The following CDH20 variants were observed in gnomAD, a reference collection of about 807,000 sequenced individuals.
CDH20 encodes the protein cadherin-20.
Under a neutral mutation model 74.2 loss-of-function variants are expected in CDH20, and 29 were observed. That is an observed-to-expected ratio of 0.39 (90% CI 0.29 to 0.53). The LOEUF is 0.53. Ranked by LOEUF, CDH20 falls within the 20% of genes least tolerant of loss-of-function variation. The pLI is 0.69. For missense variants in CDH20, 988 were observed against 1,048.3 expected (o/e 0.94, Z 0.79); for synonymous variants, 469 against 405.4 (o/e 1.16, Z -1.88).
chr18:61,483,462 T>C (rs2144282644), intron 1 of CDH20, among the ~76,000 whole-genome samples: 1 of 152,274 alleles, frequency 6.6e-6, no homozygotes, highest in Middle Eastern at 3.4e-3. Flanking sequence ...CTTGTAAGGA[T>C]TAAATGACAA....
At chr18:61,461,621 T>C (rs896127678) in intron 1 of CDH20, among the ~76,000 whole-genome samples, 3 of 152,130 alleles carry the variant, frequency 2.0e-5, no homozygotes, top group African/African-American at 7.2e-5. Flanking sequence ...TTCTTGGCAT[T>C]TTGAACAAAT....
At chr18:61,496,534 G>T (rs1223996765) in intron 2 of CDH20, among the ~76,000 whole-genome samples, 1 of 152,064 alleles carries the variant, frequency 6.6e-6, no homozygotes, top group Non-Finnish European at 1.5e-5. Context: ...TCACACTCAA[G>T]CGTCAGCCCA....
intron 1 of CDH20, among the ~76,000 whole-genome samples, chr18:61,401,394 G>A (rs1047997830): frequency 5.9e-5 from 9 of 152,124 alleles, no homozygotes; most frequent in African/African-American, 2.2e-4. Context: ...TTAGTGACCC[G>A]TTTTTGTTGT....
intron 1 of CDH20, among the ~76,000 whole-genome samples, chr18:61,387,900 T>C (rs1911654632): frequency 6.6e-6 from 1 of 152,174 alleles, no homozygotes; most frequent in South Asian, 2.1e-4. Flanking sequence ...TTCTTTTTCA[T>C]TTTAAATTCT....
At chr18:61,545,345 C>A (rs1443953277) in intron 10 of CDH20, among the ~76,000 whole-genome samples, 1 of 150,196 alleles carries the variant, frequency 6.7e-6, no homozygotes. Context: ...TGGCTTCAAG[C>A]AGTCCTCCCA....
Position 61,508,642 on chromosome 18 carries a change from A to T in CDH20, c.1017+1082A>T, listed in dbSNP as rs140228285. On this transcript the variant is annotated intron_variant, in intron 6 of 11. Coordinates refer to ENST00000262717, the MANE Select transcript of CDH20 (RefSeq NM_031891.4). ...GGAGACTATTATTATTATTATTATT[A>T]TTTTTCATGTTCGAGACAGAGTCTC... Among the ~76,000 whole-genome samples, 650 of 151,978 alleles carry T rather than the reference A, an allele frequency of 4.3e-3. 9 individuals carry two copies. Among genetic ancestry groups the T allele is most frequent in the African/African-American group, 0.014 (600 of 41,430 alleles).
chr18:61,399,832 T>G (rs1173770928), intron 1 of CDH20, among the ~76,000 whole-genome samples: 2 of 152,248 alleles, frequency 1.3e-5, no homozygotes, highest in African/African-American at 4.8e-5. Flanking sequence ...AAGGCAAAGC[T>G]GGTTATGACT....
intron 1 of CDH20, among the ~76,000 whole-genome samples, chr18:61,404,102 TA>T (rs1284871239): frequency 2.0e-5 from 3 of 152,160 alleles, no homozygotes; most frequent in African/African-American, 7.2e-5. Context: ...AGCATCAGGA[TA>T]AATAGCCAAT....
chr18:61,405,892 C>G (rs1428373910), intron 1 of CDH20, among the ~76,000 whole-genome samples: 1 of 152,164 alleles, frequency 6.6e-6, no homozygotes, highest in Non-Finnish European at 1.5e-5. Context: ...TTCAAGGCTT[C>G]CACTGTCTCA....
chr18:61,397,284 A>T (rs1333133433), intron 1 of CDH20, among the ~76,000 whole-genome samples: 1 of 152,016 alleles, frequency 6.6e-6, no homozygotes, highest in African/African-American at 2.4e-5. Context: ...GGAATATTTT[A>T]TCTCATCCAG....
intron 1 of CDH20, among the ~76,000 whole-genome samples, chr18:61,361,131 C>T (rs2041595029): frequency 6.6e-6 from 1 of 152,162 alleles, no homozygotes; most frequent in African/African-American, 2.4e-5. Context: ...AATTAGTTTG[C>T]AGAAGCAAAT....
intron 1 of CDH20, among the ~76,000 whole-genome samples, chr18:61,470,900 T>C (rs1232869004): frequency 4.0e-5 from 6 of 151,848 alleles, no homozygotes; most frequent in East Asian, 1.9e-4. Flanking sequence ...CCTCCCTCTC[T>C]CTCCCTCCAC....
At chr18:61,524,968 A>G (rs1184963677) in intron 6 of CDH20, among the ~76,000 whole-genome samples, 1 of 151,962 alleles carries the variant, frequency 6.6e-6, no homozygotes, top group Non-Finnish European at 1.5e-5. Context: ...TCTCAAATGC[A>G]TCATGCTAAG....
In CDH20 at chr18:61,554,707, A is replaced by G. The variant is rs2144421095; in HGVS notation, c.*12A>G. 6.5e-7 allele frequency: 1 copy of G among 1,541,628 alleles called. No homozygotes were observed. The highest frequency in any genetic ancestry group is 8.7e-7 in the Non-Finnish European group (1 of 1,144,128). The stretch of plus-strand genomic sequence containing the variant: ...CGCCGCTGTGGTGACGGAAGCCAGG[A>G]GGCAGGCGCGCGTCCAAATCCAGAC... On this transcript the variant is annotated 3_prime_UTR_variant, in exon 12 of 12. Coordinates refer to ENST00000262717, the MANE Select transcript of CDH20 (RefSeq NM_031891.4).
chr18:61,541,224 G>C (rs1387869230), intron 9 of CDH20, among the ~76,000 whole-genome samples: 11 of 152,038 alleles, frequency 7.2e-5, no homozygotes, highest in South Asian at 2.1e-4. Context: ...CTGTGCTAAG[G>C]TAGTTGAGTT....
chr18:61,510,637 C>A (rs1349290981), intron 6 of CDH20, among the ~76,000 whole-genome samples: 1 of 152,130 alleles, frequency 6.6e-6, no homozygotes, highest in Non-Finnish European at 1.5e-5. Context: ...AGAATCACAG[C>A]AAAGGATCCA....
chr18:61,449,976 G>A (rs979683232), intron 1 of CDH20, among the ~76,000 whole-genome samples: 1 of 151,398 alleles, frequency 6.6e-6, no homozygotes. Flanking sequence ...CAGTGTAGAT[G>A]CAACTTGTAT....
Position 61,554,594 on chromosome 18 carries a change from G to T in CDH20, c.2305G>T (p.Asp769Tyr). ...GAGCTCCCTGCAGTCGGCCACGTCG[G>T]ACTCGGAACAGAGCTTCGACTTCCT... Reference protein sequence around the residue: ...SLSSLQSATSDSEQSFDFLTD... With the variant: ...SLSSLQSATSYSEQSFDFLTD... Residue 769 changes from aspartate to tyrosine, a missense_variant, in exon 12 of 12, where the codon GAC becomes TAC. Transcript: ENST00000262717. 6.2e-7 allele frequency: 1 copy of T among 1,609,018 alleles called. No homozygotes were observed.
At chr18:61,364,604 G>A (rs1268503830) in intron 1 of CDH20, among the ~76,000 whole-genome samples, 1 of 152,168 alleles carries the variant, frequency 6.6e-6, no homozygotes, top group Non-Finnish European at 1.5e-5. Context: ...GAGCCACTGT[G>A]CCCAGCTGTG....
Sources: allele counts gnomAD v4.1 joint callset (sites outside exome capture counted in the v4.1 genomes callset), GRCh38; gene constraint gnomAD v4.1.1; transcripts MANE v1.5; gene names NCBI Gene and HGNC (gene_info 2026-07-23, HGNC 2026-07-21).